ADGRF3: variants seen among roughly 807,000 people sequenced by gnomAD.
ADGRF3 encodes G protein-coupled receptor 113.
Under a neutral mutation model 93.2 loss-of-function variants are expected in ADGRF3, and 85 were observed. The ratio of observed to expected loss-of-function variants is 0.91; its 90% confidence interval spans 0.77 to 1.09. The LOEUF (loss-of-function observed/expected upper bound fraction) is 1.09, where lower values mean the gene tolerates loss of function less well. Among genes scored for constraint, ADGRF3 ranks in the 50% least tolerant of loss-of-function variants. ADGRF3 has a pLI of 0.00. For missense variants in ADGRF3, 1,125 were observed against 1,246.2 expected (o/e 0.90, Z 1.46); for synonymous variants, 534 against 532.5 (o/e 1.00, Z -0.04).
intron 1 of ADGRF3, among the ~76,000 whole-genome samples, chr2:26,332,349 G>A (rs957933333): frequency 1.3e-5 from 2 of 152,220 alleles, no homozygotes; most frequent in East Asian, 1.9e-4. Flanking sequence ...GGTGGAATTA[G>A]ATCATGAAGG....
chr2:26,343,246 C>T (rs186813056), intron 1 of ADGRF3, among the ~76,000 whole-genome samples: 16 of 152,146 alleles, frequency 1.1e-4, no homozygotes, highest in African/African-American at 3.6e-4. Flanking sequence ...TGACTAATAT[C>T]TTAAATTTGT....
chr2:26,334,348 C>T (rs975025791), intron 1 of ADGRF3, among the ~76,000 whole-genome samples: 3 of 150,384 alleles, frequency 2.0e-5, no homozygotes, highest in African/African-American at 7.3e-5. Flanking sequence ...TCCTAATTTT[C>T]CCTGTGGTTT....
At chr2:26,339,508 CAACAA>C (rs898166238) in intron 1 of ADGRF3, among the ~76,000 whole-genome samples, 14 of 151,974 alleles carry the variant, frequency 9.2e-5, no homozygotes, top group African/African-American at 3.1e-4. Flanking sequence ...ACAAACAAAC[CAACAA>C]AACAAAACAA....
chr2:26,336,426 T>C (rs1057409500), intron 1 of ADGRF3, among the ~76,000 whole-genome samples: 7 of 151,592 alleles, frequency 4.6e-5, no homozygotes, highest in Non-Finnish European at 7.4e-5. Flanking sequence ...AGTAATTAAA[T>C]TCAAAGCAAT....
chr2:26,311,553 G>A lies in ADGRF3; in HGVS notation c.1971C>T (p.Gly657=), dbSNP rs753861775. The A allele has an allele frequency of 6.2e-7, 1 of 1,613,894 alleles. No homozygotes were observed. Among genetic ancestry groups the A allele is most frequent in the South Asian group, 1.1e-5 (1 of 91,088 alleles). The change falls in exon 10 of 14, where the codon GGC becomes GGT. Residue 657 remains glycine (G), a synonymous_variant. Coordinates refer to ENST00000651242, the MANE Select transcript of ADGRF3 (RefSeq NM_001321971.2). The part of the protein sequence containing the change: ...CVFWDHSLFQ[G]RGGWSKEGCQ... ...ACCCTTCTTTGGACCAACCCCCCCT[G>A]CCCTGGAAGAGACTGTGATCCCAGA...
At chr2:26,338,865 C>T (rs541008964) in intron 1 of ADGRF3, among the ~76,000 whole-genome samples, 8 of 151,680 alleles carry the variant, frequency 5.3e-5, no homozygotes, top group Admixed American at 2.6e-4. Flanking sequence ...TGGCTGGGTG[C>T]GGTGGCTCAC....
In ADGRF3 at chr2:26,309,297, T is replaced by C; in HGVS notation, c.2994-190A>G. 3 of 1,524,766 alleles carry C rather than the reference T, an allele frequency of 2.0e-6. No individual in the cohort carries two copies. The South Asian group carries it at 3.9e-5, about 20-fold the overall frequency. The allele number at this position is 1,524,766 out of a possible 1,614,324, so 94.5% of individuals were successfully genotyped here. On this transcript the variant is annotated intron_variant, in intron 13 of 13. Coordinates refer to ENST00000651242, the MANE Select transcript of ADGRF3 (RefSeq NM_001321971.2). ...AAGGACTGGTGGTGGTGAAACTTCT[T>C]GCTTTCTTGGAAAGCAAGATAAGGT... is the stretch of plus-strand genomic sequence containing the variant.
chr2:26,315,424 C>T (rs986695095), intron 5 of ADGRF3, 98 bp downstream of exon 5: 8 of 1,235,918 alleles, frequency 6.5e-6, no homozygotes, highest in South Asian at 3.1e-5. Context: ...GGGAGGGAGG[C>T]GTGGGAAGAA....
rs561830521 is a variant in ADGRF3, at chr2:26,308,215, G to T, written c.*871C>A. The T allele has an allele frequency of 6.6e-6, 1 of 151,888 alleles. No individual in the cohort carries two copies. The highest frequency in any genetic ancestry group is 1.5e-5 in the Non-Finnish European group (1 of 67,974). The allele number at this position is 151,888 out of a possible 1,614,324, so 9.4% of individuals were successfully genotyped here. A position where few individuals can be genotyped will look rare whatever the true frequency, so the allele number is the denominator to read the frequency against. ...TTTTATTTTAACAGAAAATGCCCCC[G>T]TCCCATTTTATAAAAAATATCCATG... On this transcript the variant is annotated 3_prime_UTR_variant, in exon 14 of 14. Transcript: ENST00000651242.
Position 26,315,548 on chromosome 2 carries a change from A to G in ADGRF3, c.692T>C (p.Val231Ala). ...TSSHGQAALS[V>A]SNMSHHWAGE... is the part of the protein sequence containing the mutation. ...TGCCCAGTGATGGGACATGTTGGAG[A>G]CGCTGAGGGCAGCCTGGCCGTGGCT... Residue 231 changes from valine to alanine, a missense_variant, in exon 5 of 14, where the codon GTC (valine) becomes GCC (alanine). Physicochemically the swap from Val to Ala is moderately conservative, Grantham distance 64 (BLOSUM62 0). Coordinates refer to ENST00000651242, the MANE Select transcript of ADGRF3 (RefSeq NM_001321971.2). 7.1e-6 allele frequency: 11 copies of G among 1,551,344 alleles called. No homozygotes were observed. Among genetic ancestry groups the G allele is most frequent in the Non-Finnish European group, 8.7e-6 (10 of 1,146,910 alleles).
Position 26,311,218 on chromosome 2 carries a change from C to T in ADGRF3, c.2306G>A (p.Arg769Gln), listed in dbSNP as rs367794085. The change falls in exon 10 of 14, where the codon CGA becomes CAA. Residue 769 changes from arginine (R) to glutamine (Q), a missense_variant. Physicochemically the swap from Arg to Gln is conservative, Grantham distance 43. Transcript: ENST00000651242. The stretch of plus-strand genomic sequence containing the variant: ...GGCGGCAGCAAGGCAGAGCGGGCTT[C>T]GGGGCCCTGGAGAGAGGAATGGGGC... ...LGAPFLSPGP[R>Q]SPLCLAAAFL... is the part of the protein sequence containing the mutation. The T allele has an allele frequency of 1.6e-5, 26 of 1,604,130 alleles. No individual in the cohort carries two copies. The African/African-American group carries it at 2.0e-4, about 12-fold the overall frequency.
intron 5 of ADGRF3, 189 bp from the exon 6 acceptor site, chr2:26,314,812 A>G: frequency 1.7e-6 from 1 of 598,780 alleles, no homozygotes; most frequent in South Asian, 2.0e-5. Context: ...GATTTCTAGG[A>G]GGTAGAAGAG....
At chr2:26,310,004 C>CT (rs1386359528) in intron 12 of ADGRF3, 39 bp downstream of exon 12, 1 of 1,614,088 alleles carries the variant, frequency 6.2e-7, no homozygotes, top group African/African-American at 1.3e-5. Context: ...CTGACATGCT[C>CT]TTGGATGCAC....
intron 9 of ADGRF3, among the ~76,000 whole-genome samples, 157 bp from the exon 10 acceptor site, chr2:26,312,231 A>T (rs1375834015): frequency 1.3e-5 from 2 of 151,724 alleles, no homozygotes; most frequent in African/African-American, 4.8e-5. Flanking sequence ...CTGTGAAGGG[A>T]GACTTTCTAG....
At position 26,308,468 on chromosome 2, in the gene ADGRF3, T is replaced by C. The variant is rs2147853405; in HGVS notation, c.*618A>G. 1 of 152,260 alleles carries C rather than the reference T, an allele frequency of 6.6e-6. No homozygotes were observed. The highest frequency in any genetic ancestry group is 2.4e-5 in the African/African-American group (1 of 41,564). The allele number at this position is 152,260 out of a possible 1,614,324, so 9.4% of individuals were successfully genotyped here. On this transcript the variant is annotated 3_prime_UTR_variant, in exon 14 of 14. Coordinates refer to ENST00000651242, the MANE Select transcript of ADGRF3 (RefSeq NM_001321971.2). ...TTAAACTTTAAATTTTTATAACCTA[T>C]TCTTACAACGTGCTCATATCAATCA...
rs776240092 is a variant in ADGRF3, at chr2:26,311,521, G to A, written c.2003C>T (p.Ala668Val). 12 of 1,613,996 alleles carry A rather than the reference G, an allele frequency of 7.4e-6. No homozygotes were observed. The Middle Eastern group carries it at 8.2e-4, about 111-fold the overall frequency. Residue 668 changes from alanine (A) to valine (V), a missense_variant, in exon 10 of 14, where the codon GCA becomes GTA. By Grantham distance (64) the Ala-to-Val change is moderately conservative. Transcript: ENST00000651242. Reference protein sequence around the residue: ...RGGWSKEGCQAQVASASPTAQ... With the variant: ...RGGWSKEGCQVQVASASPTAQ... ...AGTGGGGCTGGCACTGGCCACCTGT[G>A]CCTGGCACCCTTCTTTGGACCAACC...
intron 1 of ADGRF3, among the ~76,000 whole-genome samples, chr2:26,343,443 T>C (rs528130450): frequency 1.7e-4 from 26 of 152,100 alleles, no homozygotes; most frequent in Non-Finnish European, 7.4e-5. Context: ...TGATCTTTTT[T>C]TTTTTTATTT....
At chr2:26,319,552 TCCC>T in intron 1 of ADGRF3, among the ~76,000 whole-genome samples, 1 of 20,524 alleles carries the variant, frequency 4.9e-5, no homozygotes, top group East Asian at 2.0e-3. Context: ...TTTCTCTCCC[TCCC>T]TCCCTCCCTC....
Position 26,346,403 on chromosome 2 carries a change from GC to G in ADGRF3, c.-170del. On this transcript the variant is annotated 5_prime_UTR_variant, in exon 1 of 14. The change abolishes the stop of an existing upstream ORF in the 5' untranslated region. Coordinates refer to ENST00000651242, the MANE Select transcript of ADGRF3 (RefSeq NM_001321971.2). Reference sequence around the variant, plus strand: ...GTGCCGCGTGGCTCCGGGCGGGCTGGCGGGCGTTCCTCCGGAGGTCCTGCGG... The same window carrying G: ...GTGCCGCGTGGCTCCGGGCGGGCTGGGGGCGTTCCTCCGGAGGTCCTGCGG... 4 of 1,317,368 alleles carry G rather than the reference GC, an allele frequency of 3.0e-6. No homozygotes were observed. Among genetic ancestry groups the G allele is most frequent in the Non-Finnish European group, 4.0e-6 (4 of 1,003,948 alleles). 81.6% of individuals were successfully genotyped at this position (1,317,368 alleles called of 1,614,324 possible). A position where few individuals can be genotyped will look rare whatever the true frequency, so the allele number is the denominator to read the frequency against.
Sources: allele counts gnomAD v4.1 joint callset (sites outside exome capture counted in the v4.1 genomes callset), GRCh38; gene constraint gnomAD v4.1.1; transcripts MANE v1.5; gene names NCBI Gene and HGNC (gene_info 2026-07-23, HGNC 2026-07-21).